MYO1H: variants seen among roughly 807,000 people sequenced by gnomAD.
The protein encoded by MYO1H is myosin IH.
MYO1H carries 118 observed loss-of-function variants against 149.3 expected under a neutral mutation model. That is an observed-to-expected ratio of 0.79 (90% confidence interval 0.68 to 0.92). The LOEUF is 0.92. Ranked by LOEUF, MYO1H falls within the 40% of genes least tolerant of loss-of-function variation. The pLI is 0.00. For missense variants in MYO1H, 1,212 were observed against 1,280.7 expected, an observed-to-expected ratio of 0.95 and a Z score of 0.82; for synonymous variants, 447 against 465.2, an observed-to-expected ratio of 0.96 and a Z score of 0.50.
chr12:109,433,315 G>C (rs952101872), intron 20 of MYO1H, among the ~76,000 whole-genome samples: 1 of 152,174 alleles, frequency 6.6e-6, no homozygotes, highest in African/African-American at 2.4e-5. Context: ...CGTGTGCCTG[G>C]ATTCTTTCAC....
chr12:109,437,713 A>G (rs1473098261), intron 22 of MYO1H, among the ~76,000 whole-genome samples: 4 of 152,206 alleles, frequency 2.6e-5, no homozygotes, highest in Non-Finnish European at 2.9e-5. Flanking sequence ...GGTTGATTCA[A>G]GTTGCTTGTC....
intron 5 of MYO1H, 105 bp downstream of exon 5, chr12:109,397,917 G>T: frequency 1.4e-6 from 1 of 732,552 alleles, no homozygotes; most frequent in Non-Finnish European, 2.1e-6. Flanking sequence ...TTTGGCTCAA[G>T]CTATTTAAAA....
chr12:109,356,013 T>C (rs2137000001), intron 1 of MYO1H, among the ~76,000 whole-genome samples: 1 of 152,236 alleles, frequency 6.6e-6, no homozygotes. Flanking sequence ...CCACCACACC[T>C]GGCCACAGCC....
At chr12:109,415,477 A>AAAAAGAAAAG in intron 14 of MYO1H, 49 bp from the exon 15 acceptor site, 14 of 1,532,548 alleles carry the variant, frequency 9.1e-6, no homozygotes, top group Non-Finnish European at 1.2e-5. Flanking sequence ...CGCCATCTCA[A>AAAAAGAAAAG]AAAAGAAAAG....
chr12:109,434,647 A>G (rs767573814), intron 20 of MYO1H, among the ~76,000 whole-genome samples: 1 of 152,196 alleles, frequency 6.6e-6, no homozygotes, highest in Non-Finnish European at 1.5e-5. Flanking sequence ...GATTTAAAAC[A>G]AATCTATTCT....
At chr12:109,335,582 A>C in the MYO1H span, among the ~76,000 whole-genome samples, 66 of 151,460 alleles carry the variant, frequency 4.4e-4, no homozygotes, top group South Asian at 8.6e-4. Context: ...AACAAACAAA[A>C]AAAAAACTAA....
At chr12:109,362,812 G>T (rs1345849604) in intron 1 of MYO1H, among the ~76,000 whole-genome samples, 2 of 152,186 alleles carry the variant, frequency 1.3e-5, no homozygotes, top group African/African-American at 4.8e-5. Flanking sequence ...AGTTTCTATG[G>T]CCTGCTTTGG....
chr12:109,359,767 C>G (rs1868698914), intron 1 of MYO1H, among the ~76,000 whole-genome samples: 1 of 152,172 alleles, frequency 6.6e-6, no homozygotes, highest in Non-Finnish European at 1.5e-5. Flanking sequence ...GGCCTTTGTG[C>G]GGACCTGTTT....
In MYO1H at chr12:109,408,085, C is replaced by T. The variant is rs553181554; in HGVS notation, c.1155+172C>T. The T allele has an allele frequency of 1.7e-3, 1,289 of 771,894 alleles. 9 individuals carry two copies. The highest frequency in any genetic ancestry group is 1.1e-3 in the Non-Finnish European group (511 of 475,400). 47.8% of individuals were successfully genotyped at this position (771,894 alleles called of 1,614,324 possible). A position where few individuals can be genotyped will look rare whatever the true frequency, so the allele number is the denominator to read the frequency against. ...TCTAGCATACAGTATGGGTGCATGC[C>T]GAATGACTTATACAATGTGTTCCAA... On this transcript the variant is annotated intron_variant, in intron 10 of 31. Coordinates refer to ENST00000310903, the Ensembl canonical transcript of MYO1H.
chr12:109,327,556 G>A, the MYO1H span, among the ~76,000 whole-genome samples: 1 of 151,434 alleles, frequency 6.6e-6, no homozygotes, highest in Non-Finnish European at 1.5e-5. Flanking sequence ...GACCAACCTG[G>A]CTAACACGGC....
chr12:109,370,083 G>A (rs763131393), intron 1 of MYO1H, among the ~76,000 whole-genome samples: 15 of 152,140 alleles, frequency 9.9e-5, no homozygotes, highest in Non-Finnish European at 1.8e-4. Context: ...CTCCCACCAT[G>A]TCCCTCCCAT....
chr12:109,446,009 G>A (rs1872464632), intron 31 of MYO1H: 1 of 985,304 alleles, frequency 1.0e-6, no homozygotes, highest in Non-Finnish European at 1.2e-6. Flanking sequence ...GGTTGGAGGT[G>A]CGGCTTAGGC....
chr12:109,334,696 A>G, the MYO1H span, among the ~76,000 whole-genome samples: 1 of 152,022 alleles, frequency 6.6e-6, no homozygotes, highest in African/African-American at 2.4e-5. Flanking sequence ...CTCTTCTTAT[A>G]TTTAGCATTC....
the MYO1H span, among the ~76,000 whole-genome samples, chr12:109,335,501 A>T: frequency 1.3e-5 from 2 of 152,170 alleles, no homozygotes; most frequent in Non-Finnish European, 2.9e-5. Context: ...CACCAGTTCA[A>T]ACCCTATCCC....
the MYO1H span, among the ~76,000 whole-genome samples, chr12:109,331,266 CT>C: frequency 1.0e-3 from 156 of 152,318 alleles, 2 homozygotes; most frequent in East Asian, 0.03. Context: ...TGTCCCAGCT[CT>C]CCTAATATTT....
chr12:109,386,393 A>G (rs953247547), intron 1 of MYO1H, among the ~76,000 whole-genome samples: 4 of 152,220 alleles, frequency 2.6e-5, no homozygotes, highest in African/African-American at 7.2e-5. Flanking sequence ...CGCTGGATCA[A>G]AGAATAGAGG....
chr12:109,425,870 C>A, intron 17 of MYO1H, 76 bp from the exon 18 acceptor site: 4 of 1,065,744 alleles, frequency 3.8e-6, no homozygotes, highest in Non-Finnish European at 5.7e-6. Context: ...TGAGCCCTGG[C>A]CAGTCTTTTT....
the MYO1H span, among the ~76,000 whole-genome samples, chr12:109,334,796 A>G: frequency 6.6e-6 from 1 of 152,230 alleles, no homozygotes; most frequent in Non-Finnish European, 1.5e-5. Context: ...TTCACATACC[A>G]TAAAACTTGC....
At chr12:109,413,644 T>C (rs927269958) in intron 14 of MYO1H, among the ~76,000 whole-genome samples, 4 of 152,206 alleles carry the variant, frequency 2.6e-5, no homozygotes, top group African/African-American at 9.7e-5. Flanking sequence ...GCGTGCTGGT[T>C]CATGCCTATA....
Sources: gnomAD v4.1 joint callset for allele counts (sites outside exome capture counted in the v4.1 genomes callset) on GRCh38, gnomAD v4.1.1 for gene constraint, MANE v1.5 for transcripts, NCBI Gene and HGNC (gene_info 2026-07-23, HGNC 2026-07-21) for gene names.